CCDC85A: variants seen among roughly 807,000 people sequenced by gnomAD.
CCDC85A encodes coiled-coil domain-containing protein 85A.
A neutral mutation model predicts 50.2 loss-of-function variants in CCDC85A; 38 were observed. That is an observed-to-expected ratio of 0.76 (90% CI 0.58 to 0.99). The LOEUF (loss-of-function observed/expected upper bound fraction) is 0.99. CCDC85A is among the 50% of genes least tolerant of loss of function. CCDC85A has a pLI of 0.00. For missense variants in CCDC85A, 820 were observed against 742.0 expected (o/e 1.11, Z -1.22); for synonymous variants, 366 against 301.4 (o/e 1.21, Z -2.22).
intron 2 of CCDC85A, among the ~76,000 whole-genome samples, chr2:56,247,033 A>G (rs373281661): frequency 1.3e-5 from 2 of 152,184 alleles, no homozygotes; most frequent in Admixed American, 1.3e-4. Context: ...TTTTCACTCA[A>G]TGATATTTTT....
At chr2:56,342,076 C>T (rs954531388) in intron 2 of CCDC85A, among the ~76,000 whole-genome samples, 1 of 151,348 alleles carries the variant, frequency 6.6e-6, no homozygotes, top group Non-Finnish European at 1.5e-5. Context: ...AACTCATTGA[C>T]AACTCAAAAT....
In CCDC85A at chr2:56,328,462, A is replaced by G. The variant is rs1397497254; in HGVS notation, c.1241-14417A>G. 2.0e-5 allele frequency among the ~76,000 whole-genome samples: 3 copies of G among 152,198 alleles called. No individual in the cohort carries two copies. In the East Asian group the frequency reaches 5.8e-4, roughly 30 times the overall value. ...GACTTCTGTCGTCAGACCCTTCTCC[A>G]TCCTCATACTTTCTTTCAACAGCTC... On this transcript the variant is annotated intron_variant, in intron 2 of 5. Transcript: ENST00000407595.
intron 2 of CCDC85A, among the ~76,000 whole-genome samples, chr2:56,232,878 G>A (rs888279): frequency 0.68 from 103,323 of 151,914 alleles, 35,414 homozygotes; most frequent in Admixed American, 0.74. Context: ...TTTATATAAC[G>A]GGTCACATTG....
intron 3 of CCDC85A, among the ~76,000 whole-genome samples, chr2:56,367,566 C>T (rs192205957): frequency 1.3e-5 from 2 of 152,212 alleles, no homozygotes; most frequent in East Asian, 3.9e-4. Flanking sequence ...TGTGAGGGGT[C>T]TGTCCAGTGC....
intron 2 of CCDC85A, among the ~76,000 whole-genome samples, chr2:56,317,720 T>C (rs1234256946): frequency 6.6e-6 from 1 of 152,080 alleles, no homozygotes; most frequent in Non-Finnish European, 1.5e-5. Flanking sequence ...AGTCTCCATT[T>C]TGGTTTGGAA....
At chr2:56,248,836 T>C (rs567770807) in intron 2 of CCDC85A, among the ~76,000 whole-genome samples, 1 of 152,298 alleles carries the variant, frequency 6.6e-6, no homozygotes, top group South Asian at 2.1e-4. Flanking sequence ...GGAAGGTCAC[T>C]GGCCAAGGTC....
Position 56,192,581 on chromosome 2 carries a change from G to T in CCDC85A, c.381G>T (p.Gln127His). 2 of 1,614,008 alleles carry T rather than the reference G, an allele frequency of 1.2e-6. 1 individual carries two copies. Among genetic ancestry groups the T allele is most frequent in the South Asian group, 2.2e-5 (2 of 91,082 alleles). ...GCAAGAGGGTGTCTCGGGAGTGGCA[G>T]AGACTGGGTCGCTACACTGCCGGGG... is the stretch of plus-strand genomic sequence containing the variant. ...QKGKRVSREW[Q>H]RLGRYTAGVM... is the part of the protein sequence containing the mutation. Residue 127 changes from glutamine to histidine, a missense_variant, in exon 2 of 6, where the codon CAG becomes CAT. Transcript: ENST00000407595. This position sits in a 1 kb window ranked among gnomAD's most constrained non-coding sequence, Gnocchi z 4.7.
At chr2:56,312,170 C>T (rs555166435) in intron 2 of CCDC85A, among the ~76,000 whole-genome samples, 3 of 152,168 alleles carry the variant, frequency 2.0e-5, no homozygotes, top group African/African-American at 4.8e-5. Context: ...GGTGTAGGAA[C>T]GTGACTGTCA....
intron 3 of CCDC85A, among the ~76,000 whole-genome samples, chr2:56,355,399 G>T (rs1336912640): frequency 6.6e-6 from 1 of 152,050 alleles, no homozygotes; most frequent in Non-Finnish European, 1.5e-5. Context: ...ATTCACGTGT[G>T]TCTATAGTCT....
chr2:56,267,936 C>T (rs909496626), intron 2 of CCDC85A, among the ~76,000 whole-genome samples: 2 of 152,152 alleles, frequency 1.3e-5, no homozygotes, highest in Non-Finnish European at 2.9e-5. Context: ...AAAGCTGTAT[C>T]AACAATTTTT....
chr2:56,260,447 T>C lies in CCDC85A; in HGVS notation c.1240+67007T>C, dbSNP rs115563153. ...ATAAGTCATGCTTGAAATAAAACTT[T>C]AGTGGAGCAAATTTATTCAAGTCTG... On this transcript the variant is annotated intron_variant, in intron 2 of 5. Coordinates refer to ENST00000407595, the MANE Select transcript of CCDC85A (RefSeq NM_001080433.2). Among the ~76,000 whole-genome samples the C allele has an allele frequency of 5.1e-3, 776 of 152,320 alleles. 5 individuals carry two copies. The highest frequency in any genetic ancestry group is 0.018 in the African/African-American group (740 of 41,554).
At chr2:56,311,331 G>C (rs1672681787) in intron 2 of CCDC85A, among the ~76,000 whole-genome samples, 1 of 152,012 alleles carries the variant, frequency 6.6e-6, no homozygotes, top group African/African-American at 2.4e-5. Context: ...GCCTCAACCT[G>C]TTTATTTGAC....
chr2:56,301,007 T>C, intron 2 of CCDC85A, among the ~76,000 whole-genome samples: 1 of 152,146 alleles, frequency 6.6e-6, no homozygotes. Flanking sequence ...ATATAAGCAG[T>C]GATGAATGGA....
chr2:56,324,633 A>G (rs956875187), intron 2 of CCDC85A, among the ~76,000 whole-genome samples: 3 of 152,110 alleles, frequency 2.0e-5, no homozygotes, highest in Admixed American at 2.0e-4. Flanking sequence ...ATGTGTTCTA[A>G]AGGGGAATGT....
intron 2 of CCDC85A, among the ~76,000 whole-genome samples, chr2:56,251,375 G>T (rs1669749770): frequency 6.6e-6 from 1 of 152,208 alleles, no homozygotes; most frequent in Non-Finnish European, 1.5e-5. Context: ...GTTGCTGTTT[G>T]GGAAAAAGTT....
chr2:56,202,775 C>T (rs1278151288), intron 2 of CCDC85A, among the ~76,000 whole-genome samples: 1 of 152,184 alleles, frequency 6.6e-6, no homozygotes, highest in Non-Finnish European at 1.5e-5. Flanking sequence ...GGCTGTTGAA[C>T]CACTCTTGAG....
At position 56,184,556 on chromosome 2, in the gene CCDC85A, G is replaced by GCCGCGC. The variant is rs1205285741; in HGVS notation, c.-61_-56dup. Reference sequence around the variant, plus strand: ...CAGGGGTGTGGGCGGAGGCGGCCTCGCCGCGCCCGCGCCTTCGGGAGTCGC... The same window carrying GCCGCGC: ...CAGGGGTGTGGGCGGAGGCGGCCTCGCCGCGCCCGCGCCCGCGCCTTCGGGAGTCGC... On this transcript the variant is annotated 5_prime_UTR_variant, in exon 1 of 6. Coordinates refer to ENST00000407595, the MANE Select transcript of CCDC85A (RefSeq NM_001080433.2). The GCCGCGC allele has an allele frequency of 7.4e-7, 1 of 1,355,468 alleles. No individual in the cohort carries two copies. Among genetic ancestry groups the GCCGCGC allele is most frequent in the Non-Finnish European group, 9.4e-7 (1 of 1,062,182 alleles). The allele number at this position is 1,355,468 out of a possible 1,614,324, so 84.0% of individuals were successfully genotyped here.
intron 2 of CCDC85A, among the ~76,000 whole-genome samples, chr2:56,276,045 A>C (rs533287988): frequency 2.6e-5 from 4 of 152,302 alleles, no homozygotes; most frequent in African/African-American, 9.6e-5. Flanking sequence ...GAAGGATTTC[A>C]CAGTTAATCA....
chr2:56,231,231 C>T (rs566018114), intron 2 of CCDC85A, among the ~76,000 whole-genome samples: 3 of 152,304 alleles, frequency 2.0e-5, no homozygotes, highest in African/African-American at 7.2e-5. Context: ...CATGGTAAAA[C>T]AGCTTATGCT....
Sources: allele counts gnomAD v4.1 joint callset (sites outside exome capture counted in the v4.1 genomes callset), GRCh38; gene constraint gnomAD v4.1.1; non-coding constraint Gnocchi (gnomAD v3.1); transcripts MANE v1.5; gene names NCBI Gene and HGNC (gene_info 2026-07-23, HGNC 2026-07-21).